The following BRD3 variants were observed in gnomAD, a reference collection of about 807,000 sequenced individuals.
The protein encoded by BRD3 is bromodomain-containing protein 3.
In BRD3, 17 loss-of-function variants were observed where a neutral mutation model predicts 66.8. The observed-to-expected ratio is 0.25, with a 90% confidence interval of 0.17 to 0.38. The LOEUF (loss-of-function observed/expected upper bound fraction) is 0.38. Among genes scored for constraint, BRD3 ranks in the 10% least tolerant of loss-of-function variants. The pLI is 1.00. For missense variants in BRD3, 713 were observed against 956.1 expected (o/e 0.75, Z 3.35); for synonymous variants, 421 against 393.2 (o/e 1.07, Z -0.84).
chr9:134,032,039 T>C lies in BRD3; in HGVS notation c.*1551A>G, dbSNP rs899326004. The C allele has an allele frequency of 2.8e-5, 6 of 216,912 alleles. No individual in the cohort carries two copies. The highest frequency in any genetic ancestry group is 4.6e-5 in the Non-Finnish European group (5 of 107,690). The allele number at this position is 216,912 out of a possible 1,614,324, so 13.4% of individuals were successfully genotyped here. On this transcript the variant is annotated 3_prime_UTR_variant, in exon 12 of 12. Transcript: ENST00000303407. The stretch of plus-strand genomic sequence containing the variant: ...AGGGCCTGGCCAGGCCACTGGAGGC[T>C]GGCAGGGAGCAGGCATGTCCACCCG...
Position 134,048,151 on chromosome 9 carries a change from C to A in BRD3, c.1018G>T (p.Ala340Ser), listed in dbSNP as rs1361759997. Residue 340 changes from alanine (A) to serine (S), a missense_variant, in exon 6 of 12, where the codon GCC becomes TCC. By Grantham distance (99) the Ala-to-Ser change is moderately conservative. Coordinates refer to ENST00000303407, the MANE Select transcript of BRD3 (RefSeq NM_007371.4). The part of the protein sequence containing the change: ...YAWPFYKPVD[A>S]EALELHDYHD... The stretch of plus-strand genomic sequence containing the variant: ...TAGTCGTGCAGCTCCAGGGCCTCGG[C>A]ATCCACTGGCTTGTAGAAGGGCCAG... 2 of 1,609,586 alleles carry A rather than the reference C, an allele frequency of 1.2e-6. No individual in the cohort carries two copies. Among genetic ancestry groups the A allele is most frequent in the African/African-American group, 1.3e-5 (1 of 74,880 alleles).
At chr9:134,066,167 T>A (rs1360930533) in intron 1 of BRD3, among the ~76,000 whole-genome samples, 3 of 152,098 alleles carry the variant, frequency 2.0e-5, no homozygotes, top group Non-Finnish European at 4.4e-5. Flanking sequence ...CTGGAGCTGC[T>A]CCCACAGTCT....
intron 7 of BRD3, among the ~76,000 whole-genome samples, chr9:134,042,378 C>A (rs1830068728): frequency 6.6e-6 from 1 of 152,212 alleles, no homozygotes; most frequent in Non-Finnish European, 1.5e-5. Context: ...CATCTCTTCA[C>A]CCCGGAACTG....
rs1221089574 is a variant in BRD3, at chr9:134,067,515, G to A, written c.-114+430C>T. Among the ~76,000 whole-genome samples, 6 of 148,506 alleles carry A rather than the reference G, an allele frequency of 4.0e-5. No homozygotes were observed. In the East Asian group the frequency reaches 7.8e-4, roughly 19 times the overall value. On this transcript the variant is annotated intron_variant, in intron 1 of 11. Transcript: ENST00000303407. Reference sequence around the variant, plus strand: ...CACCTTCCCCCTCCGCGTCCTCCCTGGGTTCCCCCTTCGAAAGATGGCGGG... The same window carrying A: ...CACCTTCCCCCTCCGCGTCCTCCCTAGGTTCCCCCTTCGAAAGATGGCGGG...
chr9:134,041,737 C>T (rs1830052188), intron 8 of BRD3, 23 bp downstream of exon 8: 6 of 1,605,032 alleles, frequency 3.7e-6, no homozygotes, highest in South Asian at 1.1e-5. Context: ...CCCTGAACCC[C>T]ACCCAAGCAT....
At chr9:134,037,989 C>G (rs1363203341) in intron 9 of BRD3, among the ~76,000 whole-genome samples, 1 of 152,152 alleles carries the variant, frequency 6.6e-6, no homozygotes, top group Admixed American at 6.6e-5. Context: ...ATCTAATAAG[C>G]CTATACCTAT....
At chr9:134,060,991 C>A (rs1309283221) in intron 1 of BRD3, among the ~76,000 whole-genome samples, 2 of 151,956 alleles carry the variant, frequency 1.3e-5, no homozygotes, top group Non-Finnish European at 2.9e-5. Context: ...GAGTCCAGGG[C>A]TGTTTCAGGG....
At chr9:134,051,870 TGTGTGTGTTGTTTTTTTTG>T (rs1830307428) in intron 3 of BRD3, among the ~76,000 whole-genome samples, 161 bp from the exon 4 acceptor site, 2 of 109,094 alleles carry the variant, frequency 1.8e-5, no homozygotes, top group African/African-American at 9.3e-5. Flanking sequence ...TGTGTGTGTG[TGTGTGTGTTGTTTTTTTTG>T]TTTTTTTTTT....
rs190081523 is a variant in BRD3, at chr9:134,062,977, C to T, written c.-114+4968G>A. Among the ~76,000 whole-genome samples, 7 of 152,288 alleles carry T rather than the reference C, an allele frequency of 4.6e-5. 1 individual carries two copies. The highest frequency in any genetic ancestry group is 3.3e-4 in the Admixed American group (5 of 15,308). ...CTAAAACAAAGCTGCGGCAGGCCCA[C>T]CTAGCATCCATCTGTCTGCTCCATC... is the stretch of plus-strand genomic sequence containing the variant. On this transcript the variant is annotated intron_variant, in intron 1 of 11. Transcript: ENST00000303407.
chr9:134,066,335 A>C (rs1830652061), intron 1 of BRD3, among the ~76,000 whole-genome samples: 1 of 152,216 alleles, frequency 6.6e-6, no homozygotes, highest in Non-Finnish European at 1.5e-5. Flanking sequence ...GCCTCAACAG[A>C]GAAAACGGCA....
rs773055694 is a variant in BRD3, at chr9:134,040,179, TCTTCTC to T, written c.1492_1497del (p.Glu498_Lys499del). The T allele has an allele frequency of 8.3e-6, 13 of 1,565,566 alleles. No homozygotes were observed. Among genetic ancestry groups the T allele is most frequent in the Admixed American group, 7.6e-5 (4 of 52,592 alleles). ...TTCTCCTTCTCCTTGTCCTTCTTCT[TCTTCTC>T]CTTCTCCTTCTTCTCCTTCTTCTTC... On this transcript the variant is annotated inframe_deletion, in exon 9 of 12. Coordinates refer to ENST00000303407, the MANE Select transcript of BRD3 (RefSeq NM_007371.4).
At position 134,053,541 on chromosome 9, in the gene BRD3, G is replaced by A. The variant is rs200009558; in HGVS notation, c.-64C>T. The A allele has an allele frequency of 3.1e-5, 46 of 1,473,344 alleles. No homozygotes were observed. The highest frequency in any genetic ancestry group is 3.8e-5 in the Non-Finnish European group (42 of 1,115,646). The allele number at this position is 1,473,344 out of a possible 1,614,324, so 91.3% of individuals were successfully genotyped here. A position where few individuals can be genotyped will look rare whatever the true frequency, so the allele number is the denominator to read the frequency against. On this transcript the variant is annotated 5_prime_UTR_variant, in exon 2 of 12. Coordinates refer to ENST00000303407, the MANE Select transcript of BRD3 (RefSeq NM_007371.4). ...TTGGAGAGGCCCTGGCTGCTTCTACGCTCCCTGAGAAAGCGCGACGTCCCA... is the reference window on the plus strand; with the variant it reads ...TTGGAGAGGCCCTGGCTGCTTCTACACTCCCTGAGAAAGCGCGACGTCCCA...
chr9:134,057,946 T>C (rs1830459228), intron 1 of BRD3: 1 of 152,300 alleles, frequency 6.6e-6, no homozygotes, highest in Non-Finnish European at 1.5e-5. Flanking sequence ...CAGAGGCCCA[T>C]GCAGAAAGGC....
Position 134,051,880 on chromosome 9 carries a change from G to GTTGTTTTT in BRD3, c.352-172_352-171insAAAAACAA, listed in dbSNP as rs1564555861. Among the ~76,000 whole-genome samples the GTTGTTTTT allele has an allele frequency of 4.4e-5, 5 of 113,660 alleles. 1 individual carries two copies. In the South Asian group the frequency reaches 8.0e-4, roughly 18 times the overall value. The allele number at this position is 113,660 out of a possible 152,430, so 74.6% of individuals were successfully genotyped here. On this transcript the variant is annotated intron_variant, in intron 3 of 11. Transcript: ENST00000303407. Reference sequence around the variant, plus strand: ...GTGTGTGTGTGTGTGTGTGTGTGTTGTTTTTTTTGTTTTTTTTTTTTTTTT... The same window carrying GTTGTTTTT: ...GTGTGTGTGTGTGTGTGTGTGTGTTGTTGTTTTTTTTTTTTTGTTTTTTTTTTTTTTTT...
At chr9:134,059,455 C>T (rs10119081) in intron 1 of BRD3, among the ~76,000 whole-genome samples, 44,678 of 152,078 alleles carry the variant, frequency 0.29, 7,300 homozygotes, top group African/African-American at 0.4. Flanking sequence ...AGGAAGGCAG[C>T]GGTGCCAGAG....
At position 134,051,654 on chromosome 9, in the gene BRD3, T is replaced by A. The variant is rs1830299202; in HGVS notation, c.407A>T (p.Lys136Ile). 6.3e-7 allele frequency: 1 copy of A among 1,590,450 alleles called. No individual in the cohort carries two copies. The highest frequency in any genetic ancestry group is 8.5e-7 in the Non-Finnish European group (1 of 1,172,298). Residue 136 changes from lysine to isoleucine, a missense_variant, in exon 4 of 12, where the codon AAA becomes ATA. This residue lies in a region of BRD3 where 85 missense variants were observed against 152.4 expected (regional missense o/e 0.56). Coordinates refer to ENST00000303407, the MANE Select transcript of BRD3 (RefSeq NM_007371.4). ...TTCCTCTTGGGGCATCTGGGCCACTTTTTGTAGAAAAATTTTCTCTAAAGC... is the reference window on the plus strand; with the variant it reads ...TTCCTCTTGGGGCATCTGGGCCACTATTTGTAGAAAAATTTTCTCTAAAGC... Reference protein sequence around the residue: ...AQALEKIFLQKVAQMPQEEVE... With the variant: ...AQALEKIFLQIVAQMPQEEVE...
intron 6 of BRD3, among the ~76,000 whole-genome samples, chr9:134,046,407 G>C (rs1313821684): frequency 6.6e-6 from 1 of 152,188 alleles, no homozygotes; most frequent in Non-Finnish European, 1.5e-5. Context: ...TACCCCGACC[G>C]CTCTGTGGGG....
At chr9:134,052,565 T>C (rs1830327729) in intron 2 of BRD3, 122 bp from the exon 3 acceptor site, 2 of 1,132,418 alleles carry the variant, frequency 1.8e-6, no homozygotes, top group Admixed American at 2.2e-5. Context: ...CCAGAGGCAC[T>C]TTCTGGTCTC....
intron 7 of BRD3, among the ~76,000 whole-genome samples, chr9:134,044,333 C>G (rs1207960821): frequency 6.6e-6 from 1 of 152,158 alleles, no homozygotes; most frequent in African/African-American, 2.4e-5. Context: ...ACAGGGGGAA[C>G]GAGTTTCTCT....
Sources: gnomAD v4.1 joint callset for allele counts (sites outside exome capture counted in the v4.1 genomes callset) on GRCh38, gnomAD v4.1.1 for gene constraint, gnomAD v4.1.1 regional missense constraint, MANE v1.5 for transcripts, NCBI Gene and HGNC (gene_info 2026-07-23, HGNC 2026-07-21) for gene names.